MSL2: variants seen among roughly 807,000 people sequenced by gnomAD.
MSL2 encodes MSL complex subunit 2, also known as E3 ubiquitin-protein ligase MSL2.
In MSL2, 2 loss-of-function variants were observed where a neutral mutation model predicts 35.8. The observed-to-expected ratio is 0.06, with a 90% confidence interval of 0.02 to 0.18. MSL2 has a LOEUF of 0.18. Among genes scored for constraint, MSL2 ranks in the 10% least tolerant of loss-of-function variants. MSL2 has a pLI of 1.00. For synonymous variants in MSL2, 296 were observed against 255.7 expected (o/e 1.16, Z -1.50); for missense variants, 523 against 706.7 (o/e 0.74, Z 2.95).
chr3:136,172,368 C>A (rs773188348), intron 1 of MSL2, among the ~76,000 whole-genome samples: 91 of 152,104 alleles, frequency 6.0e-4, no homozygotes, highest in Middle Eastern at 3.4e-3. Flanking sequence ...CTCCCATACT[C>A]CCCCCACCCA....
In MSL2 at chr3:136,193,156, G is replaced by GT. The variant is rs551142956; in HGVS notation, c.142+1815dup. Among the ~76,000 whole-genome samples, 62 of 152,090 alleles carry GT rather than the reference G, an allele frequency of 4.1e-4. 1 individual carries two copies. The highest frequency in any genetic ancestry group is 6.8e-4 in the Non-Finnish European group (46 of 68,000). ...CCAGTTGGACTTTTAAATGTAGTGG[G>GT]TTTTTTTTATCTTTAATTCCATTAT... On this transcript the variant is annotated intron_variant, in intron 1 of 1. Transcript: ENST00000309993.
intron 1 of MSL2, among the ~76,000 whole-genome samples, chr3:136,194,230 G>A (rs567458040): frequency 1.6e-4 from 24 of 152,214 alleles, no homozygotes; most frequent in African/African-American, 5.8e-4. Flanking sequence ...TATCACTTTT[G>A]AGATATTTTC....
chr3:136,170,004 TCGCGCCA>T (rs1227899499), intron 1 of MSL2, among the ~76,000 whole-genome samples: 1 of 149,966 alleles, frequency 6.7e-6, no homozygotes, highest in Non-Finnish European at 1.5e-5. Context: ...TGATCCAGGA[TCGCGCCA>T]CTGCACTCCA....
chr3:136,177,167 G>A (rs1940201719), intron 1 of MSL2, among the ~76,000 whole-genome samples: 1 of 152,088 alleles, frequency 6.6e-6, no homozygotes, highest in Non-Finnish European at 1.5e-5. Context: ...AACAAACTAA[G>A]GTTTTGAAGA....
chr3:136,180,752 A>AGGAGGGAAGGAGGGAGGGAG (rs1559969091), intron 1 of MSL2, among the ~76,000 whole-genome samples: 3 of 85,912 alleles, frequency 3.5e-5, no homozygotes, highest in East Asian at 4.1e-4. Context: ...AGAGGAGGGA[A>AGGAGGGAAGGAGGGAGGGAG]GGAGGGAAGG....
intron 1 of MSL2, among the ~76,000 whole-genome samples, chr3:136,169,249 G>GGGGGGGT (rs1939944692): frequency 4.6e-5 from 2 of 43,518 alleles, no homozygotes; most frequent in Non-Finnish European, 1.0e-4. Flanking sequence ...GGGGGGGGGG[G>GGGGGGGT]GGGTGCTTAT....
chr3:136,181,338 A>G (rs979844475), intron 1 of MSL2, among the ~76,000 whole-genome samples: 2 of 152,192 alleles, frequency 1.3e-5, no homozygotes, highest in Admixed American at 6.5e-5. Flanking sequence ...GACTAAGATT[A>G]AAACAATATG....
intron 1 of MSL2, among the ~76,000 whole-genome samples, chr3:136,187,858 A>G (rs919592973): frequency 6.6e-6 from 1 of 152,090 alleles, no homozygotes; most frequent in African/African-American, 2.4e-5. Context: ...TTCTAATTCA[A>G]TCAGTCTGGT....
rs1272381646 is a variant in MSL2 at position 136,194,721 on chromosome 3, G to C, written c.142+251C>G. The stretch of plus-strand genomic sequence containing the variant: ...ACCCCCACTTAAACCACCACCACCA[G>C]ATGAACCGAGGCGAATTAAACCATT... On this transcript the variant is annotated intron_variant, in intron 1 of 1. Coordinates refer to ENST00000309993, the MANE Select transcript of MSL2 (RefSeq NM_018133.4). Among the ~76,000 whole-genome samples, 7 of 150,656 alleles carry C rather than the reference G, an allele frequency of 4.6e-5. No homozygotes were observed. In the East Asian group the frequency reaches 5.8e-4, roughly 13 times the overall value.
chr3:136,191,412 G>C (rs571861088), intron 1 of MSL2, among the ~76,000 whole-genome samples: 3 of 150,312 alleles, frequency 2.0e-5, no homozygotes, highest in African/African-American at 7.4e-5. Context: ...AGGTTGCAGT[G>C]AGCCGAGATT....
chr3:136,192,276 A>G (rs756183437), intron 1 of MSL2, among the ~76,000 whole-genome samples: 3 of 152,114 alleles, frequency 2.0e-5, no homozygotes, highest in Admixed American at 1.3e-4. Context: ...AGGTTCAAGC[A>G]ATGTCTGGAG....
rs1046813013 is a variant in MSL2, at chr3:136,176,661, C to CAA, written c.142+18309_142+18310dup. 1.8e-3 allele frequency among the ~76,000 whole-genome samples: 257 copies of CAA among 142,916 alleles called. 2 individuals carry two copies. The highest frequency in any genetic ancestry group is 4.8e-3 in the African/African-American group (187 of 39,154). 93.8% of individuals were successfully genotyped at this position (142,916 alleles called of 152,430 possible). A position where few individuals can be genotyped will look rare whatever the true frequency, so the allele number is the denominator to read the frequency against. ...GCAACTGAGTGAGACCCTGTTACTA[C>CAA]AAAAAAAAAAAAATTTAAAAATTAA... On this transcript the variant is annotated intron_variant, in intron 1 of 1. Transcript: ENST00000309993.
At chr3:136,162,352 GT>G (rs1185683732) in intron 1 of MSL2, among the ~76,000 whole-genome samples, 8 of 151,146 alleles carry the variant, frequency 5.3e-5, no homozygotes, top group Non-Finnish European at 1.0e-4. Flanking sequence ...AGAGGCCAGC[GT>G]AGGCAGATCA....
intron 1 of MSL2, among the ~76,000 whole-genome samples, chr3:136,179,574 A>G (rs1168029135): frequency 6.6e-6 from 1 of 152,208 alleles, no homozygotes; most frequent in Non-Finnish European, 1.5e-5. Context: ...CCTTGAAGTC[A>G]TCTTCCACAG....
At chr3:136,153,098 G>A (rs1939418584) in intron 1 of MSL2, 1 of 967,920 alleles carries the variant, frequency 1.0e-6, no homozygotes, top group African/African-American at 1.8e-5. Context: ...TGGATAGCCA[G>A]GTGTGGTGGT....
chr3:136,173,481 A>G (rs1940086057), intron 1 of MSL2, among the ~76,000 whole-genome samples: 1 of 152,004 alleles, frequency 6.6e-6, no homozygotes, highest in African/African-American at 2.4e-5. Context: ...TTCATTCACA[A>G]ACTAAATACC....
At chr3:136,191,467 C>CA (rs11293553) in intron 1 of MSL2, among the ~76,000 whole-genome samples, 1,877 of 122,986 alleles carry the variant, frequency 0.015, 46 homozygotes, top group African/African-American at 0.05. Flanking sequence ...GAATCCGTCT[C>CA]AAAAAAAAAA....
At chr3:136,175,715 G>A (rs988089948) in intron 1 of MSL2, among the ~76,000 whole-genome samples, 2 of 152,158 alleles carry the variant, frequency 1.3e-5, no homozygotes, top group African/African-American at 2.4e-5. Flanking sequence ...GTCTGAGATA[G>A]GGCCGGAACA....
Position 136,151,283 on chromosome 3 carries a change from C to T in MSL2, c.1598G>A (p.Ser533Asn). The T allele has an allele frequency of 6.2e-7, 1 of 1,614,238 alleles. No individual in the cohort carries two copies. The highest frequency in any genetic ancestry group is 1.1e-5 in the South Asian group (1 of 91,092). Residue 533 changes from serine to asparagine, a missense_variant, in exon 2 of 2, where the codon AGC becomes AAC. This residue lies in a region of MSL2 where 60 missense variants were observed against 75.1 expected (regional missense o/e 0.80). Transcript: ENST00000309993. This position sits in a 1 kb window ranked among gnomAD's most constrained non-coding sequence, Gnocchi z 5.2. ...TRLTLGINVT[S>N]IAVRNASTST... ...GGTACTAGCGTTACGCACAGCAATG[C>T]TAGTCACGTTAATGCCCAAAGTGAG...
Sources: gnomAD v4.1 joint callset for allele counts (sites outside exome capture counted in the v4.1 genomes callset) on GRCh38, gnomAD v4.1.1 for gene constraint, gnomAD v4.1.1 regional missense constraint, Gnocchi (gnomAD v3.1) non-coding constraint, MANE v1.5 for transcripts, NCBI Gene and HGNC (gene_info 2026-07-23, HGNC 2026-07-21) for gene names.